Variants in STXBP5L observed in about 807,000 individuals in gnomAD.
STXBP5L encodes the protein syntaxin-binding protein 5-like.
In STXBP5L, 65 loss-of-function variants were observed where a neutral mutation model predicts 144.5. That is an observed-to-expected ratio of 0.45 (90% confidence interval 0.37 to 0.55). STXBP5L has a LOEUF of 0.55. Among genes scored for constraint, STXBP5L ranks in the 20% least tolerant of loss-of-function variants. STXBP5L has a pLI of 0.00. For missense variants in STXBP5L, 1,298 were observed against 1,405.5 expected, an observed-to-expected ratio of 0.92 and a Z score of 1.22; for synonymous variants, 505 against 469.6, an observed-to-expected ratio of 1.08 and a Z score of -0.97.
At chr3:120,958,863 C>G (rs995110382) in intron 3 of STXBP5L, among the ~76,000 whole-genome samples, 1 of 152,188 alleles carries the variant, frequency 6.6e-6, no homozygotes, top group African/African-American at 2.4e-5. Flanking sequence ...GATGCCCTCT[C>G]TCACCACTCC....
At chr3:121,045,312 T>C (rs1947438003) in intron 4 of STXBP5L, 123 bp from the exon 5 acceptor site, 1 of 844,052 alleles carries the variant, frequency 1.2e-6, no homozygotes, top group Non-Finnish European at 1.8e-6. Context: ...TCCTTCCTTA[T>C]ATTTCTGAGA....
chr3:121,280,267 G>T (rs962609706), intron 19 of STXBP5L, among the ~76,000 whole-genome samples: 1 of 151,542 alleles, frequency 6.6e-6, no homozygotes, highest in Non-Finnish European at 1.5e-5. Flanking sequence ...ATGAAAATTA[G>T]GGCTCTGTAG....
At chr3:121,276,187 T>G (rs893679088) in intron 18 of STXBP5L, among the ~76,000 whole-genome samples, 1 of 150,270 alleles carries the variant, frequency 6.7e-6, no homozygotes. Context: ...TAGTTTTTTG[T>G]TCTCAGGCTT....
chr3:120,989,054 C>G (rs1324367981), intron 3 of STXBP5L, among the ~76,000 whole-genome samples: 1 of 152,048 alleles, frequency 6.6e-6, no homozygotes, highest in African/African-American at 2.4e-5. Flanking sequence ...CACTTTATTT[C>G]TCTTACTATC....
At chr3:121,075,588 A>T (rs1400324008) in intron 5 of STXBP5L, among the ~76,000 whole-genome samples, 4 of 152,166 alleles carry the variant, frequency 2.6e-5, no homozygotes, top group Admixed American at 2.6e-4. Flanking sequence ...TTAACCATAC[A>T]CTGATTACCT....
rs957811784 is a variant in STXBP5L at position 121,249,887 on chromosome 3, G to GT, written c.1401-828dup. On this transcript the variant is annotated intron_variant, in intron 14 of 26. Coordinates refer to ENST00000471454, the MANE Select transcript of STXBP5L (RefSeq NM_001308330.2). ...TTCCTGTGTTCCTAGTTTATTGAAAGTTTTTTTTAGGAATGGATGATAAAT... is the reference window on the plus strand; with the variant it reads ...TTCCTGTGTTCCTAGTTTATTGAAAGTTTTTTTTTAGGAATGGATGATAAAT... Among the ~76,000 whole-genome samples, 49 of 151,836 alleles carry GT rather than the reference G, an allele frequency of 3.2e-4. No individual in the cohort carries two copies. The Middle Eastern group carries it at 0.01, about 32-fold the overall frequency.
At chr3:121,055,857 ATT>A (rs5852260) in intron 5 of STXBP5L, among the ~76,000 whole-genome samples, 77 of 137,472 alleles carry the variant, frequency 5.6e-4, no homozygotes, top group Admixed American at 6.6e-4. Flanking sequence ...ACTAATGTTA[ATT>A]TTTTTTTTTT....
At chr3:121,217,331 C>G (rs1259574226) in intron 10 of STXBP5L, among the ~76,000 whole-genome samples, 1 of 152,150 alleles carries the variant, frequency 6.6e-6, no homozygotes, top group Non-Finnish European at 1.5e-5. Context: ...GAGGGAATCT[C>G]CTTGTCTGCG....
intron 2 of STXBP5L, among the ~76,000 whole-genome samples, chr3:120,914,350 T>C (rs1428738852): frequency 6.6e-6 from 1 of 152,084 alleles, no homozygotes; most frequent in Admixed American, 6.6e-5. Flanking sequence ...TTATAAACTG[T>C]TTTTATAAAT....
At chr3:121,049,159 C>G (rs73187498) in intron 5 of STXBP5L, among the ~76,000 whole-genome samples, 19,111 of 152,176 alleles carry the variant, frequency 0.13, 1,582 homozygotes, top group Non-Finnish European at 0.19. Flanking sequence ...ATGTAGAAAA[C>G]AGTCTGCTGC....
chr3:121,186,523 A>G (rs2047388082), intron 9 of STXBP5L, among the ~76,000 whole-genome samples: 1 of 152,178 alleles, frequency 6.6e-6, no homozygotes, highest in African/African-American at 2.4e-5. Flanking sequence ...AATTTTGTCA[A>G]AGGCCTTTCC....
chr3:121,418,597 G>T (rs2047294067), intron 26 of STXBP5L, 40 bp downstream of exon 26: 1 of 1,589,246 alleles, frequency 6.3e-7, no homozygotes, highest in Non-Finnish European at 8.6e-7. Flanking sequence ...TCATACAGGA[G>T]TAACTTTAAA....
chr3:120,950,545 T>C (rs1407622108), intron 2 of STXBP5L, among the ~76,000 whole-genome samples: 1 of 149,680 alleles, frequency 6.7e-6, no homozygotes, highest in African/African-American at 2.4e-5. Context: ...GTCAATTTTT[T>C]TTATTATACT....
chr3:121,388,733 G>T (rs1303343386), intron 22 of STXBP5L, among the ~76,000 whole-genome samples: 1 of 152,138 alleles, frequency 6.6e-6, no homozygotes, highest in African/African-American at 2.4e-5. Context: ...TGCATCCCAG[G>T]GAAGAAGCCA....
chr3:121,031,753 A>G (rs1196942555), intron 3 of STXBP5L, among the ~76,000 whole-genome samples: 2 of 152,192 alleles, frequency 1.3e-5, no homozygotes, highest in African/African-American at 4.8e-5. Context: ...CCACTACACA[A>G]GGAGACCAGT....
intron 19 of STXBP5L, among the ~76,000 whole-genome samples, chr3:121,299,363 C>T (rs1037805510): frequency 6.6e-6 from 1 of 152,072 alleles, no homozygotes; most frequent in Non-Finnish European, 1.5e-5. Context: ...TTTTCAGAGA[C>T]AGTAACATTT....
intron 10 of STXBP5L, among the ~76,000 whole-genome samples, chr3:121,213,821 C>T (rs1166870575): frequency 2.6e-5 from 4 of 152,090 alleles, no homozygotes; most frequent in African/African-American, 7.2e-5. Flanking sequence ...TGGTAGAATT[C>T]GGCTGTAAAT....
At chr3:120,956,636 G>A (rs1938066687) in intron 3 of STXBP5L, among the ~76,000 whole-genome samples, 1 of 151,826 alleles carries the variant, frequency 6.6e-6, no homozygotes, top group Non-Finnish European at 1.5e-5. Context: ...CTATGAACAT[G>A]GGTGTACAAA....
chr3:121,282,795 A>T (rs984635697), intron 19 of STXBP5L, among the ~76,000 whole-genome samples: 7 of 152,066 alleles, frequency 4.6e-5, no homozygotes, highest in Non-Finnish European at 5.9e-5. Context: ...TTCCTTGAAG[A>T]TAACTAAGTA....
Sources: gnomAD v4.1 joint callset for allele counts (sites outside exome capture counted in the v4.1 genomes callset) on GRCh38, gnomAD v4.1.1 for gene constraint, MANE v1.5 for transcripts, NCBI Gene and HGNC (gene_info 2026-07-23, HGNC 2026-07-21) for gene names.